Variants in RIMS1 observed in about 807,000 individuals in gnomAD.
RIMS1 encodes regulating synaptic membrane exocytosis protein 1.
A neutral mutation model predicts 214.1 loss-of-function variants in RIMS1; 83 were observed. That is an observed-to-expected ratio of 0.39 (90% CI 0.32 to 0.47). RIMS1 has a LOEUF of 0.47. RIMS1 is among the 20% of genes least tolerant of loss of function. The pLI is 0.99. For synonymous variants in RIMS1, 793 were observed against 786.8 expected (o/e 1.01, Z -0.13); for missense variants, 2,050 against 2,161.8 (o/e 0.95, Z 1.03).
intron 4 of RIMS1, among the ~76,000 whole-genome samples, chr6:72,120,441 A>C (rs2038019906): frequency 6.6e-6 from 1 of 151,988 alleles, no homozygotes; most frequent in African/African-American, 2.4e-5. Context: ...TGTTGGCTGC[A>C]TAAACGTCTT....
intron 23 of RIMS1, among the ~76,000 whole-genome samples, chr6:72,275,609 C>A (rs1048556721): frequency 2.6e-5 from 4 of 152,058 alleles, no homozygotes; most frequent in Admixed American, 6.6e-5. Context: ...ATATGGTTTA[C>A]ATTTACATAT....
At chr6:71,910,314 G>T (rs755520372) in intron 1 of RIMS1, among the ~76,000 whole-genome samples, 2 of 152,128 alleles carry the variant, frequency 1.3e-5, no homozygotes, top group Non-Finnish European at 2.9e-5. Context: ...AAAGGTTTCA[G>T]TGTATTTGTC....
intron 28 of RIMS1, among the ~76,000 whole-genome samples, chr6:72,322,067 G>A (rs1473337861): frequency 6.6e-6 from 1 of 152,114 alleles, no homozygotes; most frequent in African/African-American, 2.4e-5. Context: ...AGTGAAATCT[G>A]AACCAAAATG....
intron 2 of RIMS1, among the ~76,000 whole-genome samples, chr6:72,050,302 G>A (rs768940367): frequency 3.2e-4 from 48 of 152,048 alleles, no homozygotes; most frequent in Non-Finnish European, 5.0e-4. Flanking sequence ...AGTGAAAACT[G>A]CCTCCTGAGG....
chr6:72,177,624 C>T (rs1184869464), intron 4 of RIMS1, among the ~76,000 whole-genome samples: 1 of 152,206 alleles, frequency 6.6e-6, no homozygotes, highest in Non-Finnish European at 1.5e-5. Flanking sequence ...TTAACGTCTT[C>T]TTATTTGATG....
intron 1 of RIMS1, among the ~76,000 whole-genome samples, chr6:71,943,355 G>A (rs1369590348): frequency 6.6e-6 from 1 of 152,064 alleles, no homozygotes; most frequent in Non-Finnish European, 1.5e-5. Context: ...TGTCTAGGAG[G>A]GATGACTTTA....
intron 2 of RIMS1, among the ~76,000 whole-genome samples, chr6:72,040,241 A>G (rs187464848): frequency 1.3e-5 from 2 of 152,122 alleles, no homozygotes; most frequent in East Asian, 1.9e-4. Flanking sequence ...TCCCTTATGC[A>G]TGATAATTCC....
chr6:72,316,150 G>A (rs1462247402), intron 28 of RIMS1, among the ~76,000 whole-genome samples: 1 of 151,952 alleles, frequency 6.6e-6, no homozygotes, highest in Non-Finnish European at 1.5e-5. Flanking sequence ...GACCATGTAG[G>A]GTCCAGTCTA....
intron 1 of RIMS1, among the ~76,000 whole-genome samples, chr6:71,895,966 C>T (rs1018034683): frequency 3.3e-5 from 5 of 152,190 alleles, no homozygotes; most frequent in East Asian, 1.9e-4. Context: ...TTTTATATTT[C>T]ACACAGCTTA....
chr6:72,360,683 A>G (rs1166191148), intron 29 of RIMS1, among the ~76,000 whole-genome samples: 1 of 149,252 alleles, frequency 6.7e-6, no homozygotes, highest in Non-Finnish European at 1.5e-5. Flanking sequence ...TATTTAATAT[A>G]TTCTATACTA....
At chr6:72,282,181 A>T (rs2090440101) in intron 23 of RIMS1, among the ~76,000 whole-genome samples, 1 of 152,092 alleles carries the variant, frequency 6.6e-6, no homozygotes, top group Non-Finnish European at 1.5e-5. Flanking sequence ...CACTGTGGGG[A>T]CCAAGCATAA....
At chr6:71,925,060 A>G (rs1021464793) in intron 1 of RIMS1, among the ~76,000 whole-genome samples, 1 of 152,196 alleles carries the variant, frequency 6.6e-6, no homozygotes, top group Non-Finnish European at 1.5e-5. Flanking sequence ...CAATGTTTAA[A>G]TAACTGCTTA....
At chr6:72,021,345 A>G (rs1814618780) in intron 2 of RIMS1, among the ~76,000 whole-genome samples, 2 of 152,216 alleles carry the variant, frequency 1.3e-5, no homozygotes, top group Non-Finnish European at 2.9e-5. Context: ...GGCTTTGGGT[A>G]TTGAAGCTGA....
intron 1 of RIMS1, 123 bp downstream of exon 1, chr6:71,887,310 G>A: frequency 2.3e-6 from 3 of 1,295,074 alleles, no homozygotes; most frequent in East Asian, 2.5e-5. Flanking sequence ...GGTGCGGACG[G>A]AGGCGCCCGC....
intron 2 of RIMS1, among the ~76,000 whole-genome samples, chr6:72,007,642 G>A (rs1808333773): frequency 6.6e-6 from 1 of 152,220 alleles, no homozygotes; most frequent in Admixed American, 6.5e-5. Flanking sequence ...ACCTGATGGA[G>A]CTGAAAACCA....
At chr6:72,395,966 A>G (rs2098770273) in intron 31 of RIMS1, among the ~76,000 whole-genome samples, 1 of 151,814 alleles carries the variant, frequency 6.6e-6, no homozygotes, top group African/African-American at 2.4e-5. Context: ...TATAATTGAA[A>G]AATTTTCAGA....
At position 72,250,902 on chromosome 6, in the gene RIMS1, A is replaced by G; in HGVS notation, c.2373-19A>G. 4.2e-6 allele frequency: 6 copies of G among 1,426,236 alleles called. No individual in the cohort carries two copies. Among genetic ancestry groups the G allele is most frequent in the Non-Finnish European group, 5.6e-6 (6 of 1,065,518 alleles). 88.3% of individuals were successfully genotyped at this position (1,426,236 alleles called of 1,614,324 possible). A position where few individuals can be genotyped will look rare whatever the true frequency, so the allele number is the denominator to read the frequency against. ...GCATGTACTTGCTTTTTCATTTACA[A>G]AACATACTTATTTTTCAGTGATAAA... On this transcript the variant is annotated intron_variant, in intron 13 of 33. Transcript: ENST00000521978.
chr6:72,261,698 A>T, intron 19 of RIMS1: 1 of 985,296 alleles, frequency 1.0e-6, no homozygotes, highest in Non-Finnish European at 1.2e-6. Flanking sequence ...AGACAAATGC[A>T]TGATTTATTA....
intron 1 of RIMS1, among the ~76,000 whole-genome samples, chr6:71,912,996 T>C (rs1051898611): frequency 6.6e-6 from 1 of 152,100 alleles, no homozygotes; most frequent in Non-Finnish European, 1.5e-5. Flanking sequence ...CTGAAAACAA[T>C]TGAATCTAAT....
Sources: gnomAD v4.1 joint callset for allele counts (sites outside exome capture counted in the v4.1 genomes callset) on GRCh38, gnomAD v4.1.1 for gene constraint, MANE v1.5 for transcripts, NCBI Gene and HGNC (gene_info 2026-07-23, HGNC 2026-07-21) for gene names.